Variants in EXPH5 observed in about 807,000 individuals in gnomAD.
EXPH5 encodes exophilin 5.
EXPH5 carries 42 observed loss-of-function variants against 41.1 expected under a neutral mutation model. That is an observed-to-expected ratio of 1.02 (90% CI 0.80 to 1.32). The LOEUF is 1.32. Ranked by LOEUF, EXPH5 falls within the 40% of genes most tolerant of loss-of-function variation. The pLI is 0.00. For missense variants in EXPH5, 2,298 were observed against 2,314.5 expected, an observed-to-expected ratio of 0.99 and a Z score of 0.15; for synonymous variants, 798 against 833.5, an observed-to-expected ratio of 0.96 and a Z score of 0.73.
intron 1 of EXPH5, among the ~76,000 whole-genome samples, chr11:108,546,142 T>C (rs1435062671): frequency 6.6e-6 from 1 of 151,854 alleles, no homozygotes; most frequent in Admixed American, 6.6e-5. Flanking sequence ...AAGGCCTGTG[T>C]AGCTGGAGTG....
rs1297641263 is a variant in EXPH5 at position 108,512,493 on chromosome 11, G to A, written c.3014C>T (p.Ala1005Val). 6.2e-7 allele frequency: 1 copy of A among 1,613,880 alleles called. No individual in the cohort carries two copies. Among genetic ancestry groups the A allele is most frequent in the Non-Finnish European group, 8.5e-7 (1 of 1,179,990 alleles). ...PTSDHRSLIE[A>V]NQSNSKVSEL... is the part of the protein sequence containing the mutation. ...AGAAACTTTGGAATTGCTTTGATTT[G>A]CTTCAATGAGGCTCCTGTGATCACT... Residue 1005 changes from alanine to valine, a missense_variant, in exon 6 of 6, where the codon GCA becomes GTA. By Grantham distance (64) the Ala-to-Val change is moderately conservative. Transcript: ENST00000265843.
At chr11:108,580,439 C>T (rs2094094496) in intron 1 of EXPH5, among the ~76,000 whole-genome samples, 1 of 151,964 alleles carries the variant, frequency 6.6e-6, no homozygotes, top group African/African-American at 2.4e-5. Context: ...GAAAAGGGAA[C>T]TCTTATACAC....
Position 108,511,274 on chromosome 11 carries a change from T to G in EXPH5, c.4233A>C (p.Glu1411Asp), listed in dbSNP as rs774340091. 1 of 1,605,710 alleles carries G rather than the reference T, an allele frequency of 6.2e-7. No homozygotes were observed. The change falls in exon 6 of 6, where the codon GAA becomes GAC. Residue 1411 changes from glutamate (E) to aspartate (D), a missense_variant. By Grantham distance (45) the Glu-to-Asp change is conservative (BLOSUM62 2). Coordinates refer to ENST00000265843, the MANE Select transcript of EXPH5 (RefSeq NM_015065.3). Reference protein sequence around the residue: ...QRKNVSEEKSENCQQSINSSN... With the variant: ...QRKNVSEEKSDNCQQSINSSN... Reference sequence around the variant, plus strand: ...TTGAATTAATGGATTGTTGACAATTTTCAGATTTTTCTTCGGATACATTTT... The same window carrying G: ...TTGAATTAATGGATTGTTGACAATTGTCAGATTTTTCTTCGGATACATTTT...
intron 4 of EXPH5, among the ~76,000 whole-genome samples, chr11:108,526,761 G>T (rs1368539582): frequency 6.6e-6 from 1 of 152,204 alleles, no homozygotes; most frequent in Non-Finnish European, 1.5e-5. Context: ...TCCTCAGTCT[G>T]CTATTTACCA....
intron 1 of EXPH5, among the ~76,000 whole-genome samples, chr11:108,557,952 AT>A (rs1208261250): frequency 2.0e-5 from 3 of 151,376 alleles, no homozygotes; most frequent in African/African-American, 4.9e-5. Flanking sequence ...TTTATTTTTT[AT>A]TTTTTTTGAG....
At chr11:108,579,087 T>G (rs2094089355) in intron 1 of EXPH5, among the ~76,000 whole-genome samples, 1 of 152,232 alleles carries the variant, frequency 6.6e-6, no homozygotes, top group Admixed American at 6.5e-5. Flanking sequence ...GTTCCAGATC[T>G]TAGAGGAAAG....
chr11:108,557,197 C>CT (rs530109802), intron 1 of EXPH5, among the ~76,000 whole-genome samples: 2 of 151,894 alleles, frequency 1.3e-5, no homozygotes, highest in African/African-American at 2.4e-5. Context: ...GTTTACTTTT[C>CT]TTTTTTTTGT....
At chr11:108,571,740 T>A (rs2094060837) in intron 1 of EXPH5, among the ~76,000 whole-genome samples, 1 of 151,974 alleles carries the variant, frequency 6.6e-6, no homozygotes, top group African/African-American at 2.4e-5. Context: ...GAACCACACA[T>A]AAAATACATG....
chr11:108,519,399 G>T lies in EXPH5; in HGVS notation c.493-1026C>A, dbSNP rs537383316. The stretch of plus-strand genomic sequence containing the variant: ...TGGCTTGGATTTTGGATTTCCTAAC[G>T]TTGTACCTATTTTTTCAAGACCCTG... On this transcript the variant is annotated intron_variant, in intron 4 of 5. Transcript: ENST00000265843. Among the ~76,000 whole-genome samples the T allele has an allele frequency of 3.3e-5, 5 of 152,214 alleles. No homozygotes were observed. In the East Asian group the frequency reaches 9.7e-4, roughly 29 times the overall value.
chr11:108,594,137 T>C (rs180992074), upstream of EXPH5, among the ~76,000 whole-genome samples: 3 of 152,182 alleles, frequency 2.0e-5, no homozygotes, highest in Non-Finnish European at 4.4e-5. Context: ...AAGGGTTACT[T>C]ATCTGAAAGA....
chr11:108,602,601 C>T, the EXPH5 span, among the ~76,000 whole-genome samples: 93 of 150,576 alleles, frequency 6.2e-4, 1 homozygote, highest in Middle Eastern at 3.5e-3. Context: ...GGCTGGAGTA[C>T]AGTGGCCAGA....
rs1250897704 is a variant in EXPH5, at chr11:108,510,758, T to A, written c.4749A>T (p.Val1583=). 1.2e-6 allele frequency: 2 copies of A among 1,614,184 alleles called. No homozygotes were observed. The highest frequency in any genetic ancestry group is 2.7e-5 in the African/African-American group (2 of 75,052). The change falls in exon 6 of 6, where the codon GTA becomes GTT. Residue 1583 remains valine, a synonymous_variant. Coordinates refer to ENST00000265843, the MANE Select transcript of EXPH5 (RefSeq NM_015065.3). ...NKNKTNLDDL[V]KGENRSSVKH... ...TAACTGAAGATCTATTTTCCCCCTT[T>A]ACTAGGTCATCCAAGTTGGTTTTAT...
chr11:108,540,917 T>TA (rs1278376164), intron 2 of EXPH5, among the ~76,000 whole-genome samples: 1 of 151,854 alleles, frequency 6.6e-6, no homozygotes, highest in African/African-American at 2.4e-5. Context: ...ATTTTTTTTT[T>TA]ATTTGAGGTG....
chr11:108,518,359 G>T lies in EXPH5; in HGVS notation c.507C>A (p.Tyr169Ter), dbSNP rs190330247. The T allele has an allele frequency of 6.2e-7, 1 of 1,613,464 alleles. No homozygotes were observed. Among genetic ancestry groups the T allele is most frequent in the Non-Finnish European group, 8.5e-7 (1 of 1,179,808 alleles). Residue 169 changes from tyrosine to a stop codon, truncating the protein, a stop_gained, in exon 5 of 6, where the codon TAC becomes TAA. Coordinates refer to ENST00000265843, the MANE Select transcript of EXPH5 (RefSeq NM_015065.3). LOFTEE classifies it high-confidence loss of function. Reference protein sequence around the residue: ...VRGAAVQAKIYNSPLENHLVD... With the variant: ...VRGAAVQAKI Reference sequence around the variant, plus strand: ...CTAGATGATTTTCCAGAGGTGAATTGTATATTTTTGCCTGCTAATTTTAAA... The same window carrying T: ...CTAGATGATTTTCCAGAGGTGAATTTTATATTTTTGCCTGCTAATTTTAAA...
chr11:108,602,433 G>T, the EXPH5 span, among the ~76,000 whole-genome samples: 3 of 152,064 alleles, frequency 2.0e-5, no homozygotes, highest in Non-Finnish European at 2.9e-5. Context: ...TTTTTGAGGG[G>T]TGTATCCAAT....
chr11:108,512,008 C>G lies in EXPH5; in HGVS notation c.3499G>C (p.Asp1167His), dbSNP rs1158161726. 1.3e-6 allele frequency: 2 copies of G among 1,591,950 alleles called. No homozygotes were observed. The highest frequency in any genetic ancestry group is 1.7e-6 in the Non-Finnish European group (2 of 1,172,936). The change falls in exon 6 of 6, where the codon GAC becomes CAC. Residue 1167 changes from aspartate (D) to histidine (H), a missense_variant. Transcript: ENST00000265843. ...AAAGAACAATCTCTAACAGATGAGTCACTTTCCACAGGGCTAATGATTCTC... is the reference window on the plus strand; with the variant it reads ...AAAGAACAATCTCTAACAGATGAGTGACTTTCCACAGGGCTAATGATTCTC... The part of the protein sequence containing the change: ...WERIISPVES[D>H]SSVRDCSLTK...
At position 108,562,265 on chromosome 11, in the gene EXPH5, G is replaced by GTTTTTT. The variant is rs35527615; in HGVS notation, c.120-20459_120-20454dup. Among the ~76,000 whole-genome samples, 32 of 104,592 alleles carry GTTTTTT rather than the reference G, an allele frequency of 3.1e-4. No homozygotes were observed. In the East Asian group the frequency reaches 3.7e-3, roughly 12 times the overall value. The allele number at this position is 104,592 out of a possible 152,430, so 68.6% of individuals were successfully genotyped here. A position where few individuals can be genotyped will look rare whatever the true frequency, so the allele number is the denominator to read the frequency against. ...TTTGCCATTATACAATTTTTTCTGT[G>GTTTTTT]TTTTTTTTTTTTTTTTTTTGTAATT... On this transcript the variant is annotated intron_variant, in intron 1 of 5. Transcript: ENST00000265843.
At chr11:108,561,998 C>T (rs2094013749) in intron 1 of EXPH5, among the ~76,000 whole-genome samples, 1 of 152,192 alleles carries the variant, frequency 6.6e-6, no homozygotes, top group African/African-American at 2.4e-5. Flanking sequence ...GATCAACATT[C>T]CGGTTCCTGA....
At chr11:108,588,345 G>C (rs1271372011) in intron 1 of EXPH5, among the ~76,000 whole-genome samples, 2 of 152,128 alleles carry the variant, frequency 1.3e-5, no homozygotes, top group Non-Finnish European at 2.9e-5. Flanking sequence ...ATGGTGAATG[G>C]AGATAAAATA....
Sources: gnomAD v4.1 joint callset for allele counts (sites outside exome capture counted in the v4.1 genomes callset) on GRCh38, gnomAD v4.1.1 for gene constraint, MANE v1.5 for transcripts, NCBI Gene and HGNC (gene_info 2026-07-23, HGNC 2026-07-21) for gene names.